The following FSTL4 variants were observed in gnomAD, a reference collection of about 807,000 sequenced individuals.
FSTL4 encodes follistatin-related protein 4.
In FSTL4, 28 loss-of-function variants were observed where a neutral mutation model predicts 78.2. The ratio of observed to expected loss-of-function variants is 0.36; its 90% CI spans 0.27 to 0.49. The LOEUF (loss-of-function observed/expected upper bound fraction) is 0.49, where lower values mean the gene tolerates loss of function less well. Among genes scored for constraint, FSTL4 ranks in the 20% least tolerant of loss-of-function variants. The pLI is 0.98. For synonymous variants in FSTL4, 422 were observed against 440.5 expected (o/e 0.96, Z 0.53); for missense variants, 922 against 1,084.9 (o/e 0.85, Z 2.11).
At chr5:133,351,201 T>C (rs1396707518) in intron 4 of FSTL4, among the ~76,000 whole-genome samples, 1 of 152,200 alleles carries the variant, frequency 6.6e-6, no homozygotes, top group Non-Finnish European at 1.5e-5. Context: ...TGTTGTGTTT[T>C]TTTTCTGTCT....
At chr5:133,629,981 T>C in the FSTL4 span, among the ~76,000 whole-genome samples, 1 of 152,270 alleles carries the variant, frequency 6.6e-6, no homozygotes, top group African/African-American at 2.4e-5. Flanking sequence ...AAGCTAGGTA[T>C]TGATGCAACG....
the FSTL4 span, among the ~76,000 whole-genome samples, chr5:133,640,457 G>A: frequency 3.9e-5 from 6 of 152,290 alleles, no homozygotes; most frequent in Middle Eastern, 3.4e-3. Context: ...CTGGGACACC[G>A]TGTACCTAGC....
Position 133,403,092 on chromosome 5 carries a change from C to T in FSTL4, c.161-2106G>A, listed in dbSNP as rs147081381. The stretch of plus-strand genomic sequence containing the variant: ...AATGGGTTACCCTAGAAAGTGCTGG[C>T]GCCTACTAGAAGAAACTAACAGCTC... On this transcript the variant is annotated intron_variant, in intron 3 of 15. Coordinates refer to ENST00000265342, the MANE Select transcript of FSTL4 (RefSeq NM_015082.2). Among the ~76,000 whole-genome samples the T allele has an allele frequency of 1.6e-4, 25 of 152,352 alleles. No homozygotes were observed. In the East Asian group the frequency reaches 3.1e-3, roughly 19 times the overall value.
At chr5:133,590,093 C>CTTTATTTATTTATTTA (rs60216054) in intron 2 of FSTL4, among the ~76,000 whole-genome samples, 4,795 of 149,092 alleles carry the variant, frequency 0.032, 227 homozygotes, top group African/African-American at 0.1. Flanking sequence ...GGAATCTCCT[C>CTTTATTTATTTATTTA]TTTATTTATT....
the FSTL4 span, among the ~76,000 whole-genome samples, chr5:133,787,582 C>T: frequency 6.6e-6 from 1 of 151,308 alleles, no homozygotes; most frequent in Non-Finnish European, 1.5e-5. Flanking sequence ...CCCCCAGTCC[C>T]ACGCCCTGCT....
At chr5:133,827,154 G>T in the FSTL4 span, among the ~76,000 whole-genome samples, 1 of 152,206 alleles carries the variant, frequency 6.6e-6, no homozygotes, top group African/African-American at 2.4e-5. Flanking sequence ...TCGGCTCTGG[G>T]ACCTGGCTGC....
chr5:133,681,087 C>T, the FSTL4 span, among the ~76,000 whole-genome samples: 5 of 152,350 alleles, frequency 3.3e-5, no homozygotes, highest in Middle Eastern at 3.4e-3. Flanking sequence ...CTTGTTCTAA[C>T]GAGTGTGCAG....
intron 3 of FSTL4, among the ~76,000 whole-genome samples, chr5:133,423,747 C>T (rs1373992733): frequency 1.3e-5 from 2 of 152,156 alleles, no homozygotes; most frequent in Non-Finnish European, 2.9e-5. Flanking sequence ...TTTTCTTCCC[C>T]TCTGAGAATG....
At chr5:133,415,338 T>A (rs1580694123) in intron 3 of FSTL4, among the ~76,000 whole-genome samples, 1 of 152,240 alleles carries the variant, frequency 6.6e-6, no homozygotes, top group Non-Finnish European at 1.5e-5. Context: ...CACCTAAAGC[T>A]TGGACAAAAG....
chr5:133,834,187 G>GA, the FSTL4 span, among the ~76,000 whole-genome samples: 1 of 152,332 alleles, frequency 6.6e-6, no homozygotes, highest in East Asian at 1.9e-4. Context: ...GGTAAGAGGA[G>GA]GGAGTCCAGA....
the FSTL4 span, among the ~76,000 whole-genome samples, chr5:133,767,128 T>C: frequency 6.6e-6 from 1 of 152,198 alleles, no homozygotes; most frequent in Non-Finnish European, 1.5e-5. Context: ...TGGTAACTCC[T>C]GAAGGCTACC....
the FSTL4 span, among the ~76,000 whole-genome samples, chr5:133,618,627 T>C: frequency 5.3e-5 from 8 of 152,214 alleles, no homozygotes; most frequent in African/African-American, 1.9e-4. Flanking sequence ...TAGCCCTTTA[T>C]ATGTATTGTT....
the FSTL4 span, among the ~76,000 whole-genome samples, chr5:133,794,672 C>T: frequency 2.6e-5 from 4 of 152,178 alleles, no homozygotes; most frequent in Non-Finnish European, 1.5e-5. Context: ...TCTGGTCACC[C>T]ATGTAGTTCT....
chr5:133,721,176 T>C, the FSTL4 span, among the ~76,000 whole-genome samples: 1 of 152,254 alleles, frequency 6.6e-6, no homozygotes, highest in Admixed American at 6.5e-5. Flanking sequence ...TTTTTTACCC[T>C]CTACCCACAA....
chr5:133,658,480 C>G, the FSTL4 span, among the ~76,000 whole-genome samples: 1 of 152,058 alleles, frequency 6.6e-6, no homozygotes, highest in Non-Finnish European at 1.5e-5. Context: ...TTTTCCAGAA[C>G]TTTATCTAGT....
the FSTL4 span, among the ~76,000 whole-genome samples, chr5:133,820,638 G>T: frequency 1.3e-5 from 2 of 152,226 alleles, no homozygotes; most frequent in Non-Finnish European, 2.9e-5. Flanking sequence ...AGAACAATGT[G>T]ACAGGCTCCC....
chr5:133,544,282 T>G (rs912692683), intron 3 of FSTL4, among the ~76,000 whole-genome samples: 1 of 152,182 alleles, frequency 6.6e-6, no homozygotes, highest in African/African-American at 2.4e-5. Context: ...AAACATCCAT[T>G]AAAATTGCCA....
chr5:133,229,163 C>A (rs1225831356), intron 8 of FSTL4, among the ~76,000 whole-genome samples: 1 of 152,196 alleles, frequency 6.6e-6, no homozygotes, highest in Non-Finnish European at 1.5e-5. Context: ...GATAGAAAGA[C>A]TTAATATCGT....
intron 2 of FSTL4, among the ~76,000 whole-genome samples, chr5:133,591,801 C>T (rs1313660550): frequency 6.6e-6 from 1 of 152,128 alleles, no homozygotes. Flanking sequence ...GACAGTGTGG[C>T]TCAGAAGGGA....
Sources: gnomAD v4.1 joint callset for allele counts (sites outside exome capture counted in the v4.1 genomes callset) on GRCh38, gnomAD v4.1.1 for gene constraint, MANE v1.5 for transcripts, NCBI Gene and HGNC (gene_info 2026-07-23, HGNC 2026-07-21) for gene names.